Variants in EFNA5 observed in about 807,000 individuals in gnomAD.
The protein encoded by EFNA5 is ephrin A5.
A neutral mutation model predicts 22.9 loss-of-function variants in EFNA5; 5 were observed. The ratio of observed to expected loss-of-function variants is 0.22; its 90% CI spans 0.11 to 0.46. The LOEUF is 0.46. Ranked by LOEUF, EFNA5 falls within the 20% of genes least tolerant of loss-of-function variation. EFNA5 has a pLI of 0.99. For synonymous variants in EFNA5, 113 were observed against 112.2 expected (o/e 1.01, Z -0.04); for missense variants, 237 against 293.3 (o/e 0.81, Z 1.40).
Position 107,491,914 on chromosome 5 carries a change from A to G in EFNA5, c.126-64405T>C, listed in dbSNP as rs375520328. Among the ~76,000 whole-genome samples, 7 of 152,224 alleles carry G rather than the reference A, an allele frequency of 4.6e-5. No individual in the cohort carries two copies. The East Asian group carries it at 9.7e-4, about 21-fold the overall frequency. On this transcript the variant is annotated intron_variant, in intron 1 of 4. Transcript: ENST00000333274. ...CAGTGGTGCAATCTCGGCTCACTGC[A>G]ACCTCCGCCTCCAGGGATCAAGCGA...
At chr5:107,427,170 G>A (rs772560595) in intron 2 of EFNA5, 47 bp downstream of exon 2, 2 of 1,606,870 alleles carry the variant, frequency 1.2e-6, no homozygotes, top group South Asian at 2.2e-5. Context: ...AAATTAGTCT[G>A]GGTTCTTGCA....
At chr5:107,615,877 C>T (rs17350017) in intron 1 of EFNA5, among the ~76,000 whole-genome samples, 2,499 of 152,256 alleles carry the variant, frequency 0.016, 33 homozygotes, top group Non-Finnish European at 0.026. Context: ...GACACACACA[C>T]CTTGTTTACA....
chr5:107,644,733 G>A (rs1750599647), intron 1 of EFNA5, among the ~76,000 whole-genome samples: 1 of 151,998 alleles, frequency 6.6e-6, no homozygotes, highest in South Asian at 2.1e-4. Context: ...AGACAGTCTT[G>A]CCCTGCCACC....
chr5:107,526,718 C>T (rs557831805), intron 1 of EFNA5, among the ~76,000 whole-genome samples: 3 of 152,224 alleles, frequency 2.0e-5, no homozygotes, highest in East Asian at 3.9e-4. Context: ...AGCAAGTTAT[C>T]CCTAGGAGAT....
At chr5:107,470,865 T>TA (rs33967547) in intron 1 of EFNA5, among the ~76,000 whole-genome samples, 51,810 of 151,564 alleles carry the variant, frequency 0.34, 9,723 homozygotes, top group East Asian at 0.68. Context: ...ACCTTATCTC[T>TA]AAAAAAAATT....
intron 1 of EFNA5, among the ~76,000 whole-genome samples, chr5:107,482,816 CTCTCTCTCTG>C (rs140164205): frequency 0.43 from 57,497 of 135,218 alleles, 12,031 homozygotes; most frequent in East Asian, 0.57. Context: ...CTCTCTCTGT[CTCTCTCTCTG>C]TCTCTGTCTC....
chr5:107,640,178 A>G (rs1750472108), intron 1 of EFNA5, among the ~76,000 whole-genome samples: 3 of 152,154 alleles, frequency 2.0e-5, no homozygotes. Context: ...GGTAACGGAA[A>G]CTTTGGGGGA....
At chr5:107,476,623 T>C (rs572829256) in intron 1 of EFNA5, among the ~76,000 whole-genome samples, 39 of 152,290 alleles carry the variant, frequency 2.6e-4, no homozygotes, top group African/African-American at 9.4e-4. Flanking sequence ...TAGCTTTCTA[T>C]GAAGTCCAAT....
At chr5:107,612,659 A>G (rs941694750) in intron 1 of EFNA5, among the ~76,000 whole-genome samples, 12 of 152,174 alleles carry the variant, frequency 7.9e-5, no homozygotes, top group African/African-American at 2.7e-4. Context: ...AAACAGAAGC[A>G]TATCACTGCA....
chr5:107,384,777 T>C (rs907687792), intron 4 of EFNA5, among the ~76,000 whole-genome samples: 10 of 136,238 alleles, frequency 7.3e-5, no homozygotes, highest in Non-Finnish European at 1.0e-4. Context: ...CATTTTTTTT[T>C]TTTTTTTTTT....
At chr5:107,559,518 C>T (rs1748493024) in intron 1 of EFNA5, among the ~76,000 whole-genome samples, 1 of 152,190 alleles carries the variant, frequency 6.6e-6, no homozygotes. Flanking sequence ...AATTTTTCTT[C>T]TCCACAATAT....
intron 1 of EFNA5, among the ~76,000 whole-genome samples, chr5:107,495,210 A>G (rs779657274): frequency 2.5e-4 from 38 of 152,174 alleles, no homozygotes; most frequent in Admixed American, 1.4e-3. Flanking sequence ...TTTATGAGCT[A>G]TAACACTCAC....
intron 1 of EFNA5, among the ~76,000 whole-genome samples, chr5:107,482,870 C>CTATATATATATA (rs72399506): frequency 1.5e-4 from 9 of 59,106 alleles, no homozygotes; most frequent in African/African-American, 6.2e-4. Flanking sequence ...CTCTCTCTCT[C>CTATATATATATA]TATATATATA....
At chr5:107,409,350 A>G (rs1748301334) in intron 2 of EFNA5, among the ~76,000 whole-genome samples, 1 of 152,198 alleles carries the variant, frequency 6.6e-6, no homozygotes, top group Non-Finnish European at 1.5e-5. Context: ...ATCCCCAAAC[A>G]TTAAGCCTGT....
chr5:107,410,022 C>CTTTTT (rs70996956), intron 2 of EFNA5, among the ~76,000 whole-genome samples: 4 of 88,008 alleles, frequency 4.5e-5, no homozygotes, highest in Non-Finnish European at 6.7e-5. Flanking sequence ...TGACATGATT[C>CTTTTT]TTTTTTTTTT....
intron 4 of EFNA5, among the ~76,000 whole-genome samples, chr5:107,386,452 T>C (rs1481885616): frequency 1.3e-5 from 2 of 152,208 alleles, no homozygotes; most frequent in African/African-American, 4.8e-5. Context: ...AGGTTCTTAT[T>C]ATCCATAGTA....
intron 1 of EFNA5, among the ~76,000 whole-genome samples, chr5:107,614,455 C>T (rs1313225738): frequency 6.6e-6 from 1 of 152,090 alleles, no homozygotes; most frequent in Non-Finnish European, 1.5e-5. Context: ...TGGAAATATA[C>T]TGTTAAAAAA....
rs541551331 is a variant in EFNA5 at position 107,577,087 on chromosome 5, C to A, written c.125+93402G>T. On this transcript the variant is annotated intron_variant, in intron 1 of 4. Coordinates refer to ENST00000333274, the MANE Select transcript of EFNA5 (RefSeq NM_001962.3). ...GTGGCCAACTACACCAGTTTTTCGC[C>A]CTTGCCTTGCAGCAGATCAGATTGT... Among the ~76,000 whole-genome samples, 8 of 152,254 alleles carry A rather than the reference C, an allele frequency of 5.3e-5. No homozygotes were observed. The South Asian group carries it at 1.7e-3, about 32-fold the overall frequency.
chr5:107,647,850 C>T (rs1428764114), intron 1 of EFNA5, among the ~76,000 whole-genome samples: 1 of 152,044 alleles, frequency 6.6e-6, no homozygotes, highest in African/African-American at 2.4e-5. Flanking sequence ...ACCCATGAAA[C>T]TGATTAGGAA....
Sources: gnomAD v4.1 joint callset for allele counts (sites outside exome capture counted in the v4.1 genomes callset) on GRCh38, gnomAD v4.1.1 for gene constraint, MANE v1.5 for transcripts, NCBI Gene and HGNC (gene_info 2026-07-23, HGNC 2026-07-21) for gene names.